FAM20A: variants seen among roughly 807,000 people sequenced by gnomAD.
FAM20A encodes FAM20A golgi associated secretory pathway pseudokinase, also known as pseudokinase FAM20A.
A neutral mutation model predicts 52.0 loss-of-function variants in FAM20A; 42 were observed. The observed-to-expected ratio is 0.81, with a 90% CI of 0.63 to 1.04. The LOEUF is 1.04. Among genes scored for constraint, FAM20A ranks in the 50% least tolerant of loss-of-function variants. FAM20A has a pLI of 0.00. For missense variants in FAM20A, 742 were observed against 712.7 expected (o/e 1.04, Z -0.47); for synonymous variants, 304 against 298.9 (o/e 1.02, Z -0.18).
At chr17:68,583,467 T>G (rs1052754718) in intron 1 of FAM20A, among the ~76,000 whole-genome samples, 1 of 152,188 alleles carries the variant, frequency 6.6e-6, no homozygotes, top group Non-Finnish European at 1.5e-5. Context: ...GTGGTCACGT[T>G]GTCTTCTCCT....
intron 1 of FAM20A, among the ~76,000 whole-genome samples, chr17:68,576,546 T>C (rs796471699): frequency 1.9e-4 from 29 of 152,172 alleles, no homozygotes; most frequent in African/African-American, 7.0e-4. Flanking sequence ...TGTCCCAGCC[T>C]CCTCCCCAGG....
rs983581569 is a variant in FAM20A at position 68,535,661 on chromosome 17, A to T, written c.*1816T>A. ...GGTTTCTCTGTTAAAGAGTTGATTT[A>T]AAAAAAAATTTTTTTTTTTTTGTAT... On this transcript the variant is annotated 3_prime_UTR_variant, in exon 11 of 11. Transcript: ENST00000592554. 4 of 445,350 alleles carry T rather than the reference A, an allele frequency of 9.0e-6. No individual in the cohort carries two copies. The highest frequency in any genetic ancestry group is 2.1e-5 in the African/African-American group (1 of 47,196). The allele number at this position is 445,350 out of a possible 1,614,324, so 27.6% of individuals were successfully genotyped here.
chr17:68,542,890 A>C, intron 5 of FAM20A, 81 bp from the exon 6 acceptor site: 1 of 1,093,626 alleles, frequency 9.1e-7, no homozygotes. Flanking sequence ...GCCAGTGCAC[A>C]TTAGGAATTG....
chr17:68,550,154 G>A (rs1029880820), intron 4 of FAM20A, among the ~76,000 whole-genome samples: 3 of 152,112 alleles, frequency 2.0e-5, no homozygotes, highest in African/African-American at 7.2e-5. Context: ...TCTAAGTGAT[G>A]ATGACAACCA....
Position 68,600,731 on chromosome 17 carries a change from C to T in FAM20A, c.-65G>A. The T allele has an allele frequency of 1.3e-6, 2 of 1,498,608 alleles. No individual in the cohort carries two copies. The highest frequency in any genetic ancestry group is 1.8e-6 in the Non-Finnish European group (2 of 1,127,058). The allele number at this position is 1,498,608 out of a possible 1,614,324, so 92.8% of individuals were successfully genotyped here. A position where few individuals can be genotyped will look rare whatever the true frequency, so the allele number is the denominator to read the frequency against. On this transcript the variant is annotated 5_prime_UTR_variant, in exon 1 of 11. Transcript: ENST00000592554. This position sits in a 1 kb window ranked among gnomAD's most constrained non-coding sequence, Gnocchi z 6.2. The stretch of plus-strand genomic sequence containing the variant: ...GTCTCCGGGGTCCCGGGAGGGGTCG[C>T]GGGGTGCGGGCAGAAGAGGTGCCTG...
rs569693833 is a variant in FAM20A at position 68,554,435 on chromosome 17, G to A, written c.640+342C>T. Among the ~76,000 whole-genome samples the A allele has an allele frequency of 6.6e-5, 10 of 152,240 alleles. No individual in the cohort carries two copies. In the South Asian group the frequency reaches 2.1e-3, roughly 32 times the overall value. On this transcript the variant is annotated intron_variant, in intron 3 of 10. Transcript: ENST00000592554. ...ATTTTGTCAATAGTGGGCACCATTT[G>A]CTTCTTGAATTTGAAAGCGTGCTCC... is the stretch of plus-strand genomic sequence containing the variant.
chr17:68,538,279 T>C (rs2086153924), intron 10 of FAM20A, among the ~76,000 whole-genome samples: 1 of 152,234 alleles, frequency 6.6e-6, no homozygotes, highest in Non-Finnish European at 1.5e-5. Flanking sequence ...GACTCTGATG[T>C]GTAAGCAGCT....
chr17:68,543,854 G>A (rs749161341), intron 4 of FAM20A, 133 bp from the exon 5 acceptor site: 6 of 781,802 alleles, frequency 7.7e-6, no homozygotes, highest in East Asian at 2.6e-5. Flanking sequence ...GCGATGGCAC[G>A]GCAAGTCAGG....
Position 68,535,183 on chromosome 17 carries a change from G to T in FAM20A, c.*2294C>A, listed in dbSNP as rs1222300875. The T allele has an allele frequency of 2.3e-6, 1 of 435,702 alleles. No homozygotes were observed. The highest frequency in any genetic ancestry group is 1.6e-5 in the South Asian group (1 of 61,592). 27.0% of individuals were successfully genotyped at this position (435,702 alleles called of 1,614,324 possible). ...CAAAATGAACATGCTGGAAGAACTC[G>T]AGTAAGAATGAAACGGTTGGTTTTC... is the stretch of plus-strand genomic sequence containing the variant. On this transcript the variant is annotated 3_prime_UTR_variant, in exon 11 of 11. Coordinates refer to ENST00000592554, the MANE Select transcript of FAM20A (RefSeq NM_017565.4).
At chr17:68,568,238 G>T (rs1453582843) in intron 1 of FAM20A, among the ~76,000 whole-genome samples, 5 of 151,930 alleles carry the variant, frequency 3.3e-5, no homozygotes, top group Non-Finnish European at 1.5e-5. Flanking sequence ...GGGAGGCCGA[G>T]GCAGGCGGAT....
intron 3 of FAM20A, among the ~76,000 whole-genome samples, chr17:68,553,749 TATATATACATATATATAC>T (rs996416266): frequency 1.3e-4 from 19 of 144,918 alleles, no homozygotes; most frequent in African/African-American, 4.9e-4. Flanking sequence ...TATATACACA[TATATATACATATATATAC>T]ATATATACAT....
intron 3 of FAM20A, among the ~76,000 whole-genome samples, chr17:68,554,169 T>C (rs924873363): frequency 2.6e-5 from 4 of 152,098 alleles, no homozygotes; most frequent in South Asian, 4.1e-4. Flanking sequence ...CTCACTGTGT[T>C]GCCTAGGCTG....
chr17:68,590,833 C>G (rs2088284069), intron 1 of FAM20A, among the ~76,000 whole-genome samples: 1 of 152,154 alleles, frequency 6.6e-6, no homozygotes, highest in Non-Finnish European at 1.5e-5. Flanking sequence ...TCTAATGACT[C>G]CGCCTCCCTG....
At chr17:68,546,569 G>A (rs576370315) in intron 4 of FAM20A, among the ~76,000 whole-genome samples, 3 of 152,050 alleles carry the variant, frequency 2.0e-5, no homozygotes, top group East Asian at 1.9e-4. Context: ...GGTGGCTCGC[G>A]CCTATAATCC....
rs1213454497 is a variant in FAM20A, at chr17:68,536,830, A to C, written c.*647T>G. On this transcript the variant is annotated 3_prime_UTR_variant, in exon 11 of 11. Coordinates refer to ENST00000592554, the MANE Select transcript of FAM20A (RefSeq NM_017565.4). ...CAATTGTAATACTCTTCAAATTGGA[A>C]CACTCCTTTTCTGATATTCTTAGCA... 1 of 453,614 alleles carries C rather than the reference A, an allele frequency of 2.2e-6. No homozygotes were observed. Among genetic ancestry groups the C allele is most frequent in the African/African-American group, 2.0e-5 (1 of 49,852 alleles). 28.1% of individuals were successfully genotyped at this position (453,614 alleles called of 1,614,324 possible).
chr17:68,600,248 G>C lies in FAM20A; in HGVS notation c.404+15C>G. The C allele has an allele frequency of 6.4e-7, 1 of 1,554,452 alleles. No homozygotes were observed. The highest frequency in any genetic ancestry group is 8.7e-7 in the Non-Finnish European group (1 of 1,149,492). On this transcript the variant is annotated intron_variant, in intron 1 of 10. Coordinates refer to ENST00000592554, the MANE Select transcript of FAM20A (RefSeq NM_017565.4). The surrounding 1 kb of genome is among the most constrained non-coding windows in gnomAD (Gnocchi z 6.2). Reference sequence around the variant, plus strand: ...CAGAGCGCCCGCTCTCCCGCGTCCCGGGCGGGGTCCTCACCTGTTCCAGCG... The same window carrying C: ...CAGAGCGCCCGCTCTCCCGCGTCCCCGGCGGGGTCCTCACCTGTTCCAGCG...
intron 4 of FAM20A, among the ~76,000 whole-genome samples, chr17:68,549,351 A>G (rs544397946): frequency 6.6e-4 from 100 of 152,260 alleles, no homozygotes; most frequent in African/African-American, 2.4e-3. Flanking sequence ...AAAGTTAGCC[A>G]GGTGTGGTGG....
chr17:68,555,708 G>C lies in FAM20A; in HGVS notation c.440C>G (p.Thr147Ser). Reference protein sequence around the residue: ...HKMYREQMNLTSLDPPLQLRL... With the variant: ...HKMYREQMNLSSLDPPLQLRL... Reference sequence around the variant, plus strand: ...GAGCTGCAGTGGGGGGTCCAGGGAGGTAAGGTTCATCTGCTCTCTGTACAT... The same window carrying C: ...GAGCTGCAGTGGGGGGTCCAGGGAGCTAAGGTTCATCTGCTCTCTGTACAT... The change falls in exon 2 of 11, where the codon ACC becomes AGC. Residue 147 changes from threonine (T) to serine (S), a missense_variant. Transcript: ENST00000592554. The C allele has an allele frequency of 6.2e-7, 1 of 1,614,036 alleles. No individual in the cohort carries two copies. Among genetic ancestry groups the C allele is most frequent in the Non-Finnish European group, 8.5e-7 (1 of 1,180,032 alleles).
At chr17:68,581,362 C>CTTTCTTTCTTTCTTTCTTTCTTTCTTT (rs2087951977) in intron 1 of FAM20A, among the ~76,000 whole-genome samples, 5 of 127,806 alleles carry the variant, frequency 3.9e-5, no homozygotes, top group African/African-American at 1.6e-4. Context: ...TTCTTTCTTT[C>CTTTCTTTCTTTCTTTCTTTCTTTCTTT]TTTCTTTCTT....
Sources: gnomAD v4.1 joint callset for allele counts (sites outside exome capture counted in the v4.1 genomes callset) on GRCh38, gnomAD v4.1.1 for gene constraint, Gnocchi (gnomAD v3.1) non-coding constraint, MANE v1.5 for transcripts, NCBI Gene and HGNC (gene_info 2026-07-23, HGNC 2026-07-21) for gene names.